Variants in TJP2 observed in about 807,000 individuals in gnomAD.
TJP2 encodes tight junction protein 2.
In TJP2, 91 loss-of-function variants were observed where a neutral mutation model predicts 133.1. The observed-to-expected ratio is 0.68, with a 90% CI of 0.58 to 0.81. TJP2 has a LOEUF of 0.81. Ranked by LOEUF, TJP2 falls within the 40% of genes least tolerant of loss-of-function variation. The pLI is 0.00. For missense variants in TJP2, 1,541 were observed against 1,565.6 expected (o/e 0.98, Z 0.26); for synonymous variants, 592 against 583.4 (o/e 1.01, Z -0.21).
intron 9 of TJP2, 42 bp downstream of exon 9, chr9:69,228,156 A>G (rs1829492065): frequency 1.3e-6 from 2 of 1,569,012 alleles, no homozygotes; most frequent in Admixed American, 1.9e-5. Flanking sequence ...TTGTGTTCAG[A>G]AGTGTGTGCT....
chr9:69,252,737 A>C, intron 21 of TJP2, 78 bp from the exon 22 acceptor site: 1 of 1,352,168 alleles, frequency 7.4e-7, no homozygotes, highest in African/African-American at 1.4e-5. Context: ...AAAGGGTGGG[A>C]CCAGCAGGAA....
At chr9:69,234,812 C>G (rs1038519206) in intron 12 of TJP2, among the ~76,000 whole-genome samples, 8 of 152,164 alleles carry the variant, frequency 5.3e-5, no homozygotes, top group Non-Finnish European at 1.0e-4. Flanking sequence ...AGTGATGCAG[C>G]CTTATGTTCT....
intron 17 of TJP2, among the ~76,000 whole-genome samples, chr9:69,244,973 A>G (rs528914092): frequency 1.7e-4 from 26 of 152,336 alleles, no homozygotes; most frequent in East Asian, 1.2e-3. Context: ...CTGCAACATA[A>G]AGCTTTAAAA....
chr9:69,225,497 A>C (rs1243182709), intron 6 of TJP2, 90 bp downstream of exon 6: 18 of 856,768 alleles, frequency 2.1e-5, no homozygotes, highest in Non-Finnish European at 3.1e-5. Context: ...TGAGACTTAG[A>C]TCCAGTGAGA....
intron 1 of TJP2, among the ~76,000 whole-genome samples, chr9:69,132,209 T>C (rs1325411550): frequency 6.6e-6 from 1 of 152,202 alleles, no homozygotes; most frequent in Non-Finnish European, 1.5e-5. Flanking sequence ...AATTTCAGAC[T>C]CACACAAGGA....
At chr9:69,231,359 A>AT (rs1829767529) in intron 11 of TJP2, among the ~76,000 whole-genome samples, 1 of 152,138 alleles carries the variant, frequency 6.6e-6, no homozygotes, top group Non-Finnish European at 1.5e-5. Flanking sequence ...TGGCCTCCCA[A>AT]AGTGCTGGGA....
chr9:69,233,715 T>A (rs1413835325), intron 11 of TJP2, among the ~76,000 whole-genome samples: 1 of 151,944 alleles, frequency 6.6e-6, no homozygotes, highest in East Asian at 1.9e-4. Context: ...AGGCGGAGGT[T>A]GCAGTGAGCC....
intron 2 of TJP2, among the ~76,000 whole-genome samples, chr9:69,153,042 A>G (rs1305526672): frequency 6.6e-6 from 1 of 150,744 alleles, no homozygotes; most frequent in Non-Finnish European, 1.5e-5. Context: ...TAGGCAACAT[A>G]GTGAGACCCT....
chr9:69,129,041 T>C (rs995180865), intron 1 of TJP2, among the ~76,000 whole-genome samples: 2 of 152,358 alleles, frequency 1.3e-5, no homozygotes, highest in Admixed American at 1.3e-4. Flanking sequence ...AAGATTTGAA[T>C]GAAGAATTAA....
intron 9 of TJP2, 140 bp downstream of exon 9, chr9:69,228,254 T>A: frequency 9.1e-7 from 1 of 1,102,836 alleles, no homozygotes; most frequent in South Asian, 1.4e-5. Flanking sequence ...ATTAACATGG[T>A]AACAGAAAAC....
At chr9:69,216,498 G>A (rs549606707) in intron 3 of TJP2, 35 bp downstream of exon 3, 34 of 1,613,228 alleles carry the variant, frequency 2.1e-5, no homozygotes, top group Non-Finnish European at 2.7e-5. Flanking sequence ...GCCCCTACCA[G>A]CCCTACTGGT....
intron 1 of TJP2, among the ~76,000 whole-genome samples, chr9:69,177,747 C>T (rs1237128850): frequency 6.6e-6 from 1 of 151,698 alleles, no homozygotes; most frequent in Non-Finnish European, 1.5e-5. Flanking sequence ...CGGGTTCAAG[C>T]GGTTCTCTTG....
rs181386193 is a variant in TJP2, at chr9:69,238,539, G to A, written c.2276-171G>A. On this transcript the variant is annotated intron_variant, in intron 15 of 22. Coordinates refer to ENST00000377245, the MANE Select transcript of TJP2 (RefSeq NM_004817.4). ...TGCTTCCTGTTGGACTGGCCTAACC[G>A]TTTCTTCATGATTAGATTTCCACTA... 6.8e-3 allele frequency among the ~76,000 whole-genome samples: 1,028 copies of A among 152,184 alleles called. 4 individuals are homozygous for A. The highest frequency in any genetic ancestry group is 0.011 in the Non-Finnish European group (757 of 68,020).
Position 69,246,724 on chromosome 9 carries a change from G to C in TJP2, c.2601G>C (p.Trp867Cys). 6.2e-7 allele frequency: 1 copy of C among 1,614,078 alleles called. No individual in the cohort carries two copies. Among genetic ancestry groups the C allele is most frequent in the Non-Finnish European group, 8.5e-7 (1 of 1,180,002 alleles). ...TINLNSANDSWFGSLKDTIQH... is the reference protein window; with the variant it reads ...TINLNSANDSCFGSLKDTIQH... Reference sequence around the variant, plus strand: ...ACCTAAATTCAGCCAATGATAGCTGGTTTGGCAGCTTAAAGGACACTATTC... The same window carrying C: ...ACCTAAATTCAGCCAATGATAGCTGCTTTGGCAGCTTAAAGGACACTATTC... The change falls in exon 18 of 23, where the codon TGG becomes TGC. Residue 867 changes from tryptophan (W) to cysteine (C), a missense_variant. Physicochemically the swap from Trp to Cys is radical, Grantham distance 215. Coordinates refer to ENST00000377245, the MANE Select transcript of TJP2 (RefSeq NM_004817.4).
At chr9:69,132,334 T>G (rs1415442560) in intron 1 of TJP2, among the ~76,000 whole-genome samples, 1 of 152,186 alleles carries the variant, frequency 6.6e-6, no homozygotes, top group Non-Finnish European at 1.5e-5. Flanking sequence ...GAGAGCCACC[T>G]TGTAAGTGGG....
rs780660433 is a variant in TJP2, at chr9:69,252,817, C to T, written c.3324C>T (p.Ile1108=). 27 of 1,613,992 alleles carry T rather than the reference C, an allele frequency of 1.7e-5. No homozygotes were observed. The highest frequency in any genetic ancestry group is 2.2e-5 in the South Asian group (2 of 91,070). The change falls in exon 22 of 23, where the codon ATC becomes ATT. Residue 1108 remains isoleucine, a splice_region_variant and synonymous_variant. Coordinates refer to ENST00000377245, the MANE Select transcript of TJP2 (RefSeq NM_004817.4). The part of the protein sequence containing the change: ...QELQEAQNAR[I]EIAQKHPDIY... ...CTTTTCTTTTTTAATTACCACAGAT[C>T]GAAATTGCCCAGAAGCATCCTGATA... is the stretch of plus-strand genomic sequence containing the variant.
chr9:69,148,664 C>G lies in TJP2; in HGVS notation c.-130-2987C>G, dbSNP rs558129924. Among the ~76,000 whole-genome samples, 7 of 152,260 alleles carry G rather than the reference C, an allele frequency of 4.6e-5. No homozygotes were observed. The South Asian group carries it at 1.2e-3, about 27-fold the overall frequency. ...GGATTATAGGCATGAGCCACCGCCC[C>G]CCTCTGTAATACTTTTTCTTGCTGT... On this transcript the variant is annotated intron_variant, in intron 1 of 5. Transcript: ENST00000423935.
At chr9:69,150,234 T>C (rs1823404306) in intron 1 of TJP2, among the ~76,000 whole-genome samples, 1 of 152,162 alleles carries the variant, frequency 6.6e-6, no homozygotes, top group African/African-American at 2.4e-5. Context: ...CTCTGTAGTA[T>C]ACTTTGGAAT....
intron 1 of TJP2, among the ~76,000 whole-genome samples, chr9:69,175,657 C>A (rs1466054869): frequency 6.6e-6 from 1 of 152,158 alleles, no homozygotes; most frequent in Non-Finnish European, 1.5e-5. Flanking sequence ...GTCACACAGT[C>A]CCGTTGGGAA....
Sources: allele counts gnomAD v4.1 joint callset (sites outside exome capture counted in the v4.1 genomes callset), GRCh38; gene constraint gnomAD v4.1.1; transcripts MANE v1.5; gene names NCBI Gene and HGNC (gene_info 2026-07-23, HGNC 2026-07-21).